Variants in SHC3 observed in about 807,000 individuals in gnomAD.
SHC3 encodes SHC-transforming protein 3.
Under a neutral mutation model 60.4 loss-of-function variants are expected in SHC3, and 15 were observed. The observed-to-expected ratio is 0.25, with a 90% CI of 0.17 to 0.38. SHC3 has a LOEUF of 0.38. Among genes scored for constraint, SHC3 ranks in the 10% least tolerant of loss-of-function variants. SHC3 has a pLI of 1.00. For missense variants in SHC3, 677 were observed against 786.1 expected (o/e 0.86, Z 1.66); for synonymous variants, 294 against 325.9 (o/e 0.90, Z 1.05).
rs755371723 is a variant in SHC3, at chr9:89,178,756, A to C, written c.-296T>G. 1 of 304,698 alleles carries C rather than the reference A, an allele frequency of 3.3e-6. No homozygotes were observed. Among genetic ancestry groups the C allele is most frequent in the Non-Finnish European group, 6.0e-6 (1 of 165,636 alleles). 18.9% of individuals were successfully genotyped at this position (304,698 alleles called of 1,614,324 possible). On this transcript the variant is annotated 5_prime_UTR_variant, in exon 1 of 12. It removes the in-frame stop codon of an upstream open reading frame in the 5' UTR. Transcript: ENST00000375835. This position sits in a 1 kb window ranked among gnomAD's most constrained non-coding sequence, Gnocchi z 6.9. Reference sequence around the variant, plus strand: ...AGCGCCCAGCTGCTTGGGGCTGCTCACAGCAAAAGCATGACTCACTCTGAG... The same window carrying C: ...AGCGCCCAGCTGCTTGGGGCTGCTCCCAGCAAAAGCATGACTCACTCTGAG...
intron 2 of SHC3, among the ~76,000 whole-genome samples, chr9:89,107,749 G>A (rs12686707): frequency 1.3e-5 from 2 of 152,198 alleles, no homozygotes; most frequent in Admixed American, 6.5e-5. Context: ...TGGGGTGGTA[G>A]GTAATTCACA....
intron 1 of SHC3, among the ~76,000 whole-genome samples, chr9:89,133,338 T>G (rs570554263): frequency 9.2e-5 from 14 of 152,198 alleles, no homozygotes; most frequent in Non-Finnish European, 1.9e-4. Flanking sequence ...TCAACCATTG[T>G]GGAAGACACT....
At chr9:89,160,617 G>A (rs553894938) in intron 1 of SHC3, among the ~76,000 whole-genome samples, 2 of 152,172 alleles carry the variant, frequency 1.3e-5, no homozygotes, top group South Asian at 4.1e-4. Flanking sequence ...AAGTGAAAGT[G>A]TTAAGGAGTT....
intron 2 of SHC3, among the ~76,000 whole-genome samples, chr9:89,088,282 C>CTT: frequency 6.6e-6 from 1 of 152,198 alleles, no homozygotes; most frequent in South Asian, 2.1e-4. Flanking sequence ...TTTCAAGCCA[C>CTT]CTATGGTCTA....
At chr9:89,032,117 G>C (rs575333699) in intron 11 of SHC3, among the ~76,000 whole-genome samples, 2 of 152,270 alleles carry the variant, frequency 1.3e-5, no homozygotes, top group African/African-American at 4.8e-5. Context: ...CTTGGCATGC[G>C]GGGGACTGAG....
At chr9:89,096,875 T>C (rs1825710374) in intron 2 of SHC3, among the ~76,000 whole-genome samples, 1 of 152,092 alleles carries the variant, frequency 6.6e-6, no homozygotes, top group South Asian at 2.1e-4. Context: ...ATTGCTTTGT[T>C]TAAACAGAAG....
intron 2 of SHC3, among the ~76,000 whole-genome samples, chr9:89,079,458 T>C (rs1318180354): frequency 6.6e-6 from 1 of 152,230 alleles, no homozygotes; most frequent in Non-Finnish European, 1.5e-5. Context: ...TATTACATGC[T>C]GAAGTGTCTC....
intron 1 of SHC3, among the ~76,000 whole-genome samples, chr9:89,165,444 A>AT (rs886144924): frequency 2.1e-5 from 3 of 143,430 alleles, no homozygotes; most frequent in African/African-American, 5.2e-5. Flanking sequence ...AGGCTGTATC[A>AT]TTTTTTTCTC....
At chr9:89,071,170 A>G (rs765271156) in intron 5 of SHC3, 29 bp downstream of exon 5, 26 of 1,611,226 alleles carry the variant, frequency 1.6e-5, no homozygotes, top group Non-Finnish European at 2.1e-5. Flanking sequence ...TCCCAACAAG[A>G]GCAAGAGACC....
intron 1 of SHC3, among the ~76,000 whole-genome samples, chr9:89,151,059 C>T (rs1826539224): frequency 6.7e-6 from 1 of 150,246 alleles, no homozygotes; most frequent in African/African-American, 2.5e-5. Context: ...TATTCTGTTT[C>T]CCAGGCTGGA....
chr9:89,141,523 C>T (rs570002655), intron 1 of SHC3, among the ~76,000 whole-genome samples: 2 of 152,290 alleles, frequency 1.3e-5, no homozygotes, highest in Non-Finnish European at 2.9e-5. Flanking sequence ...AAATTTTTAC[C>T]CTTTTGCCAG....
At chr9:89,066,199 G>A (rs939207040) in intron 5 of SHC3, among the ~76,000 whole-genome samples, 2 of 152,124 alleles carry the variant, frequency 1.3e-5, no homozygotes, top group African/African-American at 4.8e-5. Context: ...AGTAGTTCTG[G>A]GGTAAGGGCT....
chr9:89,059,924 T>C (rs1159785660), intron 6 of SHC3, among the ~76,000 whole-genome samples: 2 of 137,856 alleles, frequency 1.5e-5, no homozygotes, highest in Non-Finnish European at 3.1e-5. Context: ...GAGGATGTCA[T>C]ATAGGATGTG....
chr9:89,018,110 A>G (rs1028910634), intron 11 of SHC3, among the ~76,000 whole-genome samples: 2 of 152,206 alleles, frequency 1.3e-5, no homozygotes, highest in African/African-American at 4.8e-5. Context: ...AGAACCAGAA[A>G]TACCATTTGA....
At chr9:89,136,663 T>C (rs752898697) in intron 1 of SHC3, among the ~76,000 whole-genome samples, 11 of 152,344 alleles carry the variant, frequency 7.2e-5, no homozygotes, top group Middle Eastern at 6.8e-3. Context: ...CCAGCAGCCG[T>C]TGGCGCTGCT....
intron 1 of SHC3, among the ~76,000 whole-genome samples, chr9:89,176,700 T>A (rs936018656): frequency 6.6e-6 from 1 of 152,256 alleles, no homozygotes; most frequent in Admixed American, 6.5e-5. Context: ...TATGCTCATC[T>A]ATACCCCTTT....
intron 1 of SHC3, among the ~76,000 whole-genome samples, chr9:89,141,682 C>G (rs934181623): frequency 6.6e-6 from 1 of 152,182 alleles, no homozygotes; most frequent in African/African-American, 2.4e-5. Context: ...AAAGCAGACA[C>G]TAGCTGCCCT....
At chr9:89,166,307 A>C (rs1430405632) in intron 1 of SHC3, among the ~76,000 whole-genome samples, 2 of 152,162 alleles carry the variant, frequency 1.3e-5, no homozygotes, top group Non-Finnish European at 2.9e-5. Context: ...GGAAGCAAAA[A>C]ATCCACCACT....
At chr9:89,018,675 T>G (rs1826140673) in intron 11 of SHC3, among the ~76,000 whole-genome samples, 1 of 150,940 alleles carries the variant, frequency 6.6e-6, no homozygotes, top group African/African-American at 2.4e-5. Context: ...ATAAAGTAGT[T>G]TTTTTTTCTT....
Sources: gnomAD v4.1 joint callset for allele counts (sites outside exome capture counted in the v4.1 genomes callset) on GRCh38, gnomAD v4.1.1 for gene constraint, Gnocchi (gnomAD v3.1) non-coding constraint, MANE v1.5 for transcripts, NCBI Gene and HGNC (gene_info 2026-07-23, HGNC 2026-07-21) for gene names.